Variants in TRPS1 observed in about 807,000 individuals in gnomAD.
The protein encoded by TRPS1 is transcriptional repressor GATA binding 1, also known as zinc finger transcription factor Trps1.
Under a neutral mutation model 101.2 loss-of-function variants are expected in TRPS1, and 6 were observed. The ratio of observed to expected loss-of-function variants is 0.06; its 90% CI spans 0.03 to 0.12. The LOEUF is 0.12. TRPS1 is among the 10% of genes least tolerant of loss of function. The pLI, the probability that TRPS1 is intolerant of heterozygous loss-of-function variation, is 1.00. For missense variants in TRPS1, 1,363 were observed against 1,567.0 expected (o/e 0.87, Z 2.20); for synonymous variants, 578 against 589.8 (o/e 0.98, Z 0.29).
chr8:115,500,466 C>T (rs1328175663), intron 5 of TRPS1, among the ~76,000 whole-genome samples: 2 of 152,156 alleles, frequency 1.3e-5, no homozygotes. Context: ...ATATTATAAT[C>T]CATCCTTACT....
intron 5 of TRPS1, among the ~76,000 whole-genome samples, chr8:115,419,965 T>C (rs1448820821): frequency 6.6e-6 from 1 of 152,148 alleles, no homozygotes; most frequent in African/African-American, 2.4e-5. Context: ...TGCACAGCCA[T>C]AAAAATCTGA....
chr8:115,414,334 C>T lies in TRPS1; in HGVS notation c.3574G>A (p.Gly1192Ser), dbSNP rs1004948211. Residue 1192 changes from glycine to serine, a missense_variant, in exon 7 of 7, where the codon GGT becomes AGT. Physicochemically the swap from Gly to Ser is moderately conservative, Grantham distance 56. Coordinates refer to ENST00000395715, the MANE Select transcript of TRPS1 (RefSeq NM_014112.5). This position sits in a 1 kb window ranked among gnomAD's most constrained non-coding sequence, Gnocchi z 4.8. The stretch of plus-strand genomic sequence containing the variant: ...GCCTTCGTTTTCTCCTTGGAGGCAC[C>T]GTTTGCAGTTGGCCCAGGTCTGGAA... ...KHSRPGPTAN[G>S]ASKEKTKAPP... The T allele has an allele frequency of 1.1e-5, 17 of 1,613,788 alleles. No individual in the cohort carries two copies. In the African/African-American group the frequency reaches 1.3e-4, roughly 13 times the overall value.
intron 4 of TRPS1, among the ~76,000 whole-genome samples, chr8:115,595,321 A>C (rs1360555827): frequency 6.6e-6 from 1 of 151,984 alleles, no homozygotes; most frequent in Non-Finnish European, 1.5e-5. Context: ...AAAAACGAGA[A>C]GAGAGTAGCA....
chr8:115,570,677 A>C (rs1196112783), intron 5 of TRPS1, among the ~76,000 whole-genome samples: 1 of 90,580 alleles, frequency 1.1e-5, no homozygotes, highest in South Asian at 4.4e-4. Flanking sequence ...CTCAAAAAAA[A>C]CACACACACA....
At chr8:115,603,761 T>TC in intron 4 of TRPS1, 112 bp downstream of exon 4, 2 of 1,307,078 alleles carry the variant, frequency 1.5e-6, no homozygotes, top group Non-Finnish European at 1.1e-6. Flanking sequence ...TCCTATAACT[T>TC]CCCCAAGTCA....
chr8:115,577,122 A>G (rs1310748634), intron 5 of TRPS1, among the ~76,000 whole-genome samples: 1 of 152,162 alleles, frequency 6.6e-6, no homozygotes, highest in Non-Finnish European at 1.5e-5. Flanking sequence ...ATATACTTCT[A>G]AAATGTTAAC....
chr8:115,423,174 C>G (rs1324602134), intron 5 of TRPS1, among the ~76,000 whole-genome samples: 13 of 152,192 alleles, frequency 8.5e-5, no homozygotes, highest in Non-Finnish European at 1.8e-4. Flanking sequence ...AAAATTGCTA[C>G]AGAAAAAATT....
chr8:115,480,654 T>C lies in TRPS1; in HGVS notation c.2701-62202A>G, dbSNP rs566947963. Among the ~76,000 whole-genome samples the C allele has an allele frequency of 3.3e-5, 5 of 152,178 alleles. No homozygotes were observed. In the East Asian group the frequency reaches 7.7e-4, roughly 24 times the overall value. On this transcript the variant is annotated intron_variant, in intron 5 of 6. Transcript: ENST00000395715. ...AAAATGCATGCATGCAAAGAATGCATATATTATATTCAGGGCCATTTTTCG... is the reference window on the plus strand; with the variant it reads ...AAAATGCATGCATGCAAAGAATGCACATATTATATTCAGGGCCATTTTTCG...
chr8:115,576,295 A>ATAGATG (rs1371855259), intron 5 of TRPS1, among the ~76,000 whole-genome samples: 1 of 140,436 alleles, frequency 7.1e-6, no homozygotes, highest in Non-Finnish European at 1.5e-5. Flanking sequence ...ATATATAGAT[A>ATAGATG]TAGATATAGA....
intron 5 of TRPS1, among the ~76,000 whole-genome samples, chr8:115,499,882 G>C (rs1477534492): frequency 3.3e-5 from 5 of 152,000 alleles, no homozygotes; most frequent in Admixed American, 3.3e-4. Flanking sequence ...GTAGTACTAG[G>C]TTAAGGCATG....
chr8:115,544,310 T>C lies in TRPS1; in HGVS notation c.2700+42691A>G, dbSNP rs550080974. Among the ~76,000 whole-genome samples, 5 of 151,938 alleles carry C rather than the reference T, an allele frequency of 3.3e-5. No homozygotes were observed. The South Asian group carries it at 8.3e-4, about 25-fold the overall frequency. On this transcript the variant is annotated intron_variant, in intron 5 of 6. Coordinates refer to ENST00000395715, the MANE Select transcript of TRPS1 (RefSeq NM_014112.5). ...TAGTATCTATCTCATAGCATTACTA[T>C]GAGGATTTAGTAAGTTAATGTATAA...
Position 115,587,337 on chromosome 8 carries a change from C to A in TRPS1, c.2364G>T (p.Gly788=), listed in dbSNP as rs1262344839. ...TCTCGGTCCAAACTTTCTCTTTGAG[C>A]CCGTCCTTCTCTTCCAGCTTCTCTC... The part of the protein sequence containing the change: ...VKREKLEEKD[G]LKEKVWTESS... The change falls in exon 5 of 7, where the codon GGG becomes GGT. Residue 788 remains glycine, a synonymous_variant. Transcript: ENST00000395715. 5 of 1,614,194 alleles carry A rather than the reference C, an allele frequency of 3.1e-6. No homozygotes were observed. In the South Asian group the frequency reaches 4.4e-5, roughly 14 times the overall value.
At chr8:115,580,334 A>ACCTC (rs1317809890) in intron 5 of TRPS1, among the ~76,000 whole-genome samples, 1 of 151,732 alleles carries the variant, frequency 6.6e-6, no homozygotes, top group African/African-American at 2.4e-5. Flanking sequence ...CCAAAATAAA[A>ACCTC]CCTCGTTGTG....
chr8:115,417,980 C>T (rs1222113415), intron 6 of TRPS1, among the ~76,000 whole-genome samples: 11 of 152,026 alleles, frequency 7.2e-5, no homozygotes, highest in Admixed American at 3.9e-4. Context: ...TTTTTTAAAA[C>T]GTTTTGCATA....
chr8:115,605,132 A>G lies in TRPS1; in HGVS notation c.967-130T>C, dbSNP rs75227039. 3,534 of 806,850 alleles carry G rather than the reference A, an allele frequency of 4.4e-3. 85 individuals carry two copies. In the African/African-American group the frequency reaches 0.055, roughly 12 times the overall value. 50.0% of individuals were successfully genotyped at this position (806,850 alleles called of 1,614,324 possible). On this transcript the variant is annotated intron_variant, in intron 3 of 6. Coordinates refer to ENST00000395715, the MANE Select transcript of TRPS1 (RefSeq NM_014112.5). Reference sequence around the variant, plus strand: ...ACAATAGTACTCCTGCTTATTATGAAATCACTTGAATAATCAGAGCCAAAT... The same window carrying G: ...ACAATAGTACTCCTGCTTATTATGAGATCACTTGAATAATCAGAGCCAAAT...
At chr8:115,590,500 A>G (rs991130247) in intron 4 of TRPS1, among the ~76,000 whole-genome samples, 1 of 152,206 alleles carries the variant, frequency 6.6e-6, no homozygotes. Context: ...TCAAGATATC[A>G]AGACTGTAAA....
At chr8:115,537,915 G>T (rs903125908) in intron 5 of TRPS1, among the ~76,000 whole-genome samples, 26 of 152,124 alleles carry the variant, frequency 1.7e-4, no homozygotes, top group African/African-American at 6.3e-4. Context: ...ATTGCTTGGT[G>T]CTATGTTGAC....
chr8:115,409,274 A>AAAAAAAAC lies in TRPS1; in HGVS notation c.*4741_*4748dup, dbSNP rs1237453311. On this transcript the variant is annotated 3_prime_UTR_variant, in exon 7 of 7. Coordinates refer to ENST00000395715, the MANE Select transcript of TRPS1 (RefSeq NM_014112.5). ...TTTATATGTTGGGAAAAAAAAAAAA[A>AAAAAAAAC]AAAAAAACAGGGGAAAACCAGAATT... The AAAAAAAAC allele has an allele frequency of 1.0e-4, 15 of 149,786 alleles. No homozygotes were observed. The highest frequency in any genetic ancestry group is 3.2e-4 in the African/African-American group (13 of 40,990). The allele number at this position is 149,786 out of a possible 1,614,324, so 9.3% of individuals were successfully genotyped here. A position where few individuals can be genotyped will look rare whatever the true frequency, so the allele number is the denominator to read the frequency against.
At chr8:115,660,474 C>G (rs1399487889) in intron 1 of TRPS1, among the ~76,000 whole-genome samples, 1 of 151,742 alleles carries the variant, frequency 6.6e-6, no homozygotes. Context: ...AATGCTTTTT[C>G]CAAGCTTGGG....
Sources: gnomAD v4.1 joint callset for allele counts (sites outside exome capture counted in the v4.1 genomes callset) on GRCh38, gnomAD v4.1.1 for gene constraint, Gnocchi (gnomAD v3.1) non-coding constraint, MANE v1.5 for transcripts, NCBI Gene and HGNC (gene_info 2026-07-23, HGNC 2026-07-21) for gene names.